Variants in CLEC4M observed in about 807,000 individuals in gnomAD.
The protein encoded by CLEC4M is C-type lectin domain family 4 member M.
A neutral mutation model predicts 39.1 loss-of-function variants in CLEC4M; 25 were observed. That is an observed-to-expected ratio of 0.64 (90% CI 0.47 to 0.89). The LOEUF (loss-of-function observed/expected upper bound fraction) is 0.89. CLEC4M is among the 40% of genes least tolerant of loss of function. The pLI is 0.00. For synonymous variants in CLEC4M, 155 were observed against 177.4 expected (o/e 0.87, Z 1.00); for missense variants, 353 against 431.4 (o/e 0.82, Z 1.61).
chr19:7,765,742 T>C lies in CLEC4M; in HGVS notation c.319T>C (p.Ser107Pro), dbSNP rs781774143. Residue 107 changes from serine to proline, a missense_variant, in exon 4 of 7, where the codon TCC (serine) becomes CCC (proline). Physicochemically the swap from Ser to Pro is moderately conservative, Grantham distance 74. This residue lies in a region of CLEC4M where 48 missense variants were observed against 64.8 expected (regional missense o/e 0.74). Coordinates refer to ENST00000327325, the MANE Select transcript of CLEC4M (RefSeq NM_014257.5). Reference sequence around the variant, plus strand: ...TGCAGTGGGTGAGCTCTCAGAGAAATCCAAGCTGCAGGAGATCTACCAGGA... The same window carrying C: ...TGCAGTGGGTGAGCTCTCAGAGAAACCCAAGCTGCAGGAGATCTACCAGGA... ...KAAVGELSEK[S>P]KLQEIYQELT... 1 of 1,613,698 alleles carries C rather than the reference T, an allele frequency of 6.2e-7. No individual in the cohort carries two copies. Among genetic ancestry groups the C allele is most frequent in the Non-Finnish European group, 8.5e-7 (1 of 1,179,722 alleles).
intron 2 of CLEC4M, among the ~76,000 whole-genome samples, chr19:7,763,687 G>GC (rs2034118433): frequency 6.6e-6 from 1 of 151,680 alleles, no homozygotes; most frequent in Non-Finnish European, 1.5e-5. Context: ...GGGGCCTGGG[G>GC]AGGTGGGAGA....
chr19:7,765,520 T>C lies in CLEC4M; in HGVS notation c.215-118T>C, dbSNP rs778939763. Reference sequence around the variant, plus strand: ...TCTCCAGGTGTCAGTTTTCCTCATCTTCAAAGGGGATTAACTGAGACCTTG... The same window carrying C: ...TCTCCAGGTGTCAGTTTTCCTCATCCTCAAAGGGGATTAACTGAGACCTTG... On this transcript the variant is annotated intron_variant, in intron 3 of 6. Coordinates refer to ENST00000327325, the MANE Select transcript of CLEC4M (RefSeq NM_014257.5). 3.0e-4 allele frequency: 455 copies of C among 1,498,030 alleles called. 3 individuals are homozygous for C. The highest frequency in any genetic ancestry group is 3.0e-4 in the Non-Finnish European group (340 of 1,116,008). The allele number at this position is 1,498,030 out of a possible 1,614,324, so 92.8% of individuals were successfully genotyped here.
rs539558959 is a variant in CLEC4M, at chr19:7,765,201, C to T, written c.147C>T (p.Gly49=). The T allele has an allele frequency of 2.4e-5, 38 of 1,614,122 alleles. No individual in the cohort carries two copies. Among genetic ancestry groups the T allele is most frequent in the African/African-American group, 1.2e-4 (9 of 75,024 alleles). ...CTCTCTCAGGGTGTCTTGGCCATGG[C>T]GCCCTGGTGCTGCAACTCCTCTCCT... ...HKSSTGCLGH[G]ALVLQLLSFM... is the part of the protein sequence containing the mutation. Residue 49 remains glycine, a synonymous_variant, in exon 3 of 7, where the codon GGC becomes GGT. Transcript: ENST00000327325.
rs1223538485 is a variant in CLEC4M, at chr19:7,769,113, T to C, written c.*125T>C. On this transcript the variant is annotated 3_prime_UTR_variant, in exon 7 of 7. Transcript: ENST00000327325. ...CCCTGAGACGGTTCTCTGTTCGATT[T>C]TTCATCCCCTATGAACCTGGGTCTT... is the stretch of plus-strand genomic sequence containing the variant. 13 of 940,852 alleles carry C rather than the reference T, an allele frequency of 1.4e-5. No individual in the cohort carries two copies. The highest frequency in any genetic ancestry group is 1.9e-5 in the Non-Finnish European group (12 of 633,142). The allele number at this position is 940,852 out of a possible 1,614,324, so 58.3% of individuals were successfully genotyped here.
At chr19:7,765,466 C>G (rs1419432932) in intron 3 of CLEC4M, 172 bp from the exon 4 acceptor site, 4 of 1,250,164 alleles carry the variant, frequency 3.2e-6, no homozygotes, top group East Asian at 2.5e-5. Flanking sequence ...GGGGAAGAAC[C>G]TGGCTCTCCT....
Position 7,763,455 on chromosome 19 carries a change from C to T in CLEC4M, c.109C>T (p.His37Tyr). The T allele has an allele frequency of 6.2e-7, 1 of 1,614,044 alleles. No homozygotes were observed. The highest frequency in any genetic ancestry group is 1.1e-5 in the South Asian group (1 of 91,062). The change falls in exon 2 of 7, where the codon CAT (histidine) becomes TAT (tyrosine). Residue 37 changes from histidine to tyrosine, a missense_variant. His to Tyr is a moderately conservative substitution (Grantham distance 83). Transcript: ENST00000327325. ...FPRDFQFQQI[H>Y]GHKSSTGCLG... ...AAGAGACTTTCAATTCCAGCAGATACATGGCCACAAGAGCTCTACAGGTAG... is the reference window on the plus strand; with the variant it reads ...AAGAGACTTTCAATTCCAGCAGATATATGGCCACAAGAGCTCTACAGGTAG...
chr19:7,766,260 G>A, intron 4 of CLEC4M, 53 bp downstream of exon 4: 1 of 1,607,354 alleles, frequency 6.2e-7, no homozygotes, highest in Admixed American at 1.7e-5. Context: ...TCTGTGTGAT[G>A]TGACTTTACT....
chr19:7,763,525 C>A (rs770994717), intron 2 of CLEC4M, 49 bp downstream of exon 2: 1 of 1,505,508 alleles, frequency 6.6e-7, no homozygotes, highest in South Asian at 1.1e-5. Context: ...CCTCCCAGAC[C>A]CCTGGGTCCT....
rs1278771309 is a variant in CLEC4M at position 7,769,508 on chromosome 19, C to T, written c.*520C>T. On this transcript the variant is annotated 3_prime_UTR_variant, in exon 7 of 7. Transcript: ENST00000327325. ...AGGGCATGGAGGCTCCATACAACCT[C>T]TTCCACCCCCACATCTTTCTTTGTC... is the stretch of plus-strand genomic sequence containing the variant. 1 of 154,912 alleles carries T rather than the reference C, an allele frequency of 6.5e-6. No homozygotes were observed. The highest frequency in any genetic ancestry group is 2.4e-5 in the African/African-American group (1 of 41,488). 9.6% of individuals were successfully genotyped at this position (154,912 alleles called of 1,614,324 possible).
intron 4 of CLEC4M, 30 bp downstream of exon 4, chr19:7,766,237 G>A (rs765782250): frequency 6.2e-7 from 1 of 1,612,518 alleles, no homozygotes; most frequent in Admixed American, 1.7e-5. Context: ...GGGTCCTTGG[G>A]CCTGAGATGG....
In CLEC4M at chr19:7,768,954, G is replaced by C; in HGVS notation, c.1166G>C (p.Cys389Ser). The C allele has an allele frequency of 6.2e-7, 1 of 1,614,126 alleles. No individual in the cohort carries two copies. The highest frequency in any genetic ancestry group is 8.5e-7 in the Non-Finnish European group (1 of 1,179,978). Reference sequence around the variant, plus strand: ...TGTGACGTTGACAATTACTGGATCTGCAAAAAGCCCGCAGCCTGCTTCAGA... The same window carrying C: ...TGTGACGTTGACAATTACTGGATCTCCAAAAAGCCCGCAGCCTGCTTCAGA... ...NRCDVDNYWI[C>S]KKPAACFRDE Residue 389 changes from cysteine to serine, a missense_variant, in exon 7 of 7, where the codon TGC becomes TCC. By Grantham distance (112) the Cys-to-Ser change is moderately radical. Transcript: ENST00000327325.
rs368381502 is a variant in CLEC4M at position 7,765,595 on chromosome 19, A to G, written c.215-43A>G. On this transcript the variant is annotated intron_variant, in intron 3 of 6. Coordinates refer to ENST00000327325, the MANE Select transcript of CLEC4M (RefSeq NM_014257.5). ...GGGCTCAGTTCAGGGCTTGGCACAC[A>G]GTAGGTGTTTAATAATTGCAGTTCC... 134 of 1,612,602 alleles carry G rather than the reference A, an allele frequency of 8.3e-5. No homozygotes were observed. The African/African-American group carries it at 1.2e-3, about 14-fold the overall frequency.
chr19:7,766,744 C>G lies in CLEC4M; in HGVS notation c.873C>G (p.Asp291Glu), dbSNP rs199821532. Residue 291 changes from aspartate (D) to glutamate (E), a missense_variant, in exon 5 of 7, where the codon GAC (aspartate) becomes GAG (glutamate). Physicochemically the swap from Asp to Glu is conservative, Grantham distance 45. Around this residue, in one of 4 missense-constraint regions of CLEC4M, gnomAD observed 196 missense variants for 211.7 expected, o/e 0.93. Transcript: ENST00000327325. ...FMSNSQRNWH[D>E]SVTACQEVRA... ...CTAACTCCCAGCGGAACTGGCACGACTCCGTCACCGCCTGCCAGGAAGTGA... is the reference window on the plus strand; with the variant it reads ...CTAACTCCCAGCGGAACTGGCACGAGTCCGTCACCGCCTGCCAGGAAGTGA... 6.2e-7 allele frequency: 1 copy of G among 1,614,222 alleles called. No homozygotes were observed. The highest frequency in any genetic ancestry group is 2.2e-5 in the East Asian group (1 of 44,882).
intron 2 of CLEC4M, among the ~76,000 whole-genome samples, chr19:7,764,107 A>G (rs1796073077): frequency 6.6e-6 from 1 of 151,660 alleles, no homozygotes; most frequent in Non-Finnish European, 1.5e-5. Context: ...GTTGAGGAGG[A>G]TTTATTATTA....
At chr19:7,766,269 C>T in intron 4 of CLEC4M, 62 bp downstream of exon 4, 1 of 1,602,512 alleles carries the variant, frequency 6.2e-7, no homozygotes. Context: ...TGTGACTTTA[C>T]TTGAGTTACC....
Position 7,766,807 on chromosome 19 carries a change from G to A in CLEC4M, c.936G>A (p.Gln312=). ...QLVVIKTAEE[Q]NFLQLQTSRS... The stretch of plus-strand genomic sequence containing the variant: ...TCGTAATCAAAACTGCTGAGGAGCA[G>A]GTACACGTGGTGGGGGTCCTCGTCC... Residue 312 remains glutamine, a splice_region_variant and synonymous_variant, in exon 5 of 7, where the codon CAG becomes CAA. Transcript: ENST00000327325. 6.2e-7 allele frequency: 1 copy of A among 1,614,224 alleles called. No individual in the cohort carries two copies. Among genetic ancestry groups the A allele is most frequent in the Non-Finnish European group, 8.5e-7 (1 of 1,180,034 alleles).
intron 6 of CLEC4M, 44 bp downstream of exon 6, chr19:7,767,672 T>A (rs2034340170): frequency 1.9e-6 from 3 of 1,542,014 alleles, no homozygotes; most frequent in Non-Finnish European, 2.7e-6. Flanking sequence ...TCGGGCTGGG[T>A]TCCTGCAACT....
At chr19:7,763,688 A>T (rs1251843993) in intron 2 of CLEC4M, among the ~76,000 whole-genome samples, 2 of 142,640 alleles carry the variant, frequency 1.4e-5, no homozygotes, top group Non-Finnish European at 3.0e-5. Flanking sequence ...GGGCCTGGGG[A>T]GGTGGGAGAG....
chr19:7,763,273 G>C lies in CLEC4M; in HGVS notation c.7G>C (p.Asp3His). Residue 3 changes from aspartate (D) to histidine (H), a missense_variant, in exon 1 of 7, where the codon GAC (aspartate) becomes CAC (histidine). Asp to His is a moderately conservative substitution (Grantham distance 81). Transcript: ENST00000327325. ...CTGGGGACAGCGGGAAAACATGAGT[G>C]ACTCCAAGGAACCAAGGGTGCAGCA... Reference protein sequence around the residue: MSDSKEPRVQQLG... With the variant: MSHSKEPRVQQLG... 6.2e-7 allele frequency: 1 copy of C among 1,600,948 alleles called. No homozygotes were observed. Among genetic ancestry groups the C allele is most frequent in the Non-Finnish European group, 8.5e-7 (1 of 1,174,436 alleles).
Sources: allele counts gnomAD v4.1 joint callset (sites outside exome capture counted in the v4.1 genomes callset), GRCh38; gene constraint gnomAD v4.1.1; regional missense constraint gnomAD v4.1.1; transcripts MANE v1.5; gene names NCBI Gene and HGNC (gene_info 2026-07-23, HGNC 2026-07-21).